Variants in SUPT3H observed in about 807,000 individuals in gnomAD.
SUPT3H encodes SPT3 homolog, SAGA and STAGA complex component.
In SUPT3H, 44 loss-of-function variants were observed where a neutral mutation model predicts 44.3. The ratio of observed to expected loss-of-function variants is 0.99; its 90% confidence interval spans 0.78 to 1.28. The LOEUF (loss-of-function observed/expected upper bound fraction) is 1.28, where lower values mean the gene tolerates loss of function less well. SUPT3H is among the 50% of genes most tolerant of loss of function. The probability of loss-of-function intolerance (pLI) is 0.00; values close to 1 mark genes in which losing one functional copy is unlikely to be tolerated. For missense variants in SUPT3H, 380 were observed against 387.1 expected (o/e 0.98, Z 0.15); for synonymous variants, 124 against 125.6 (o/e 0.99, Z 0.09).
intron 3 of SUPT3H, among the ~76,000 whole-genome samples, chr6:45,065,734 C>G (rs1583345600): frequency 6.6e-6 from 1 of 151,584 alleles, no homozygotes; most frequent in African/African-American, 2.4e-5. Context: ...TTCCTCAACA[C>G]ATACACTCTC....
chr6:44,825,161 C>T (rs1767649127), downstream of SUPT3H, among the ~76,000 whole-genome samples: 1 of 152,054 alleles, frequency 6.6e-6, no homozygotes, highest in African/African-American at 2.4e-5. Flanking sequence ...GAATTTTTTC[C>T]CATAATTTGT....
intron 3 of SUPT3H, among the ~76,000 whole-genome samples, chr6:45,051,687 A>G (rs1790323207): frequency 6.6e-6 from 1 of 152,210 alleles, no homozygotes; most frequent in African/African-American, 2.4e-5. Flanking sequence ...GCTGCTAAAG[A>G]GCAGAATTTA....
In SUPT3H at chr6:44,827,389, T is replaced by C. The variant is rs1767883207; in HGVS notation, c.*2427A>G. ...GTAATATTCTTATGCTAACCCAGTA[T>C]GGTAGAAAATACTGTATAATACCGA... On this transcript the variant is annotated 3_prime_UTR_variant, in exon 11 of 11. Coordinates refer to ENST00000371459, the MANE Select transcript of SUPT3H (RefSeq NM_003599.4). 6.6e-6 allele frequency among the ~76,000 whole-genome samples: 1 copy of C among 152,124 alleles called. No individual in the cohort carries two copies. Among genetic ancestry groups the C allele is most frequent in the Non-Finnish European group, 1.5e-5 (1 of 67,974 alleles).
At chr6:44,853,978 TAAA>T (rs74935103) in intron 10 of SUPT3H, among the ~76,000 whole-genome samples, 2 of 134,122 alleles carry the variant, frequency 1.5e-5, no homozygotes, top group Non-Finnish European at 1.6e-5. Context: ...TGCCTTTAGC[TAAA>T]AAAAAAAAAA....
intron 3 of SUPT3H, among the ~76,000 whole-genome samples, chr6:45,058,861 G>C (rs1054767559): frequency 6.6e-6 from 1 of 151,780 alleles, no homozygotes; most frequent in African/African-American, 2.4e-5. Context: ...ATCTTTCCAT[G>C]TGAAATCTTA....
At chr6:44,923,475 T>C (rs1007423776) in intron 10 of SUPT3H, among the ~76,000 whole-genome samples, 1 of 152,122 alleles carries the variant, frequency 6.6e-6, no homozygotes, top group African/African-American at 2.4e-5. Context: ...GTAAGTTACG[T>C]CTTGGAATTT....
In SUPT3H at chr6:44,886,835, G is replaced by A. The variant is rs1436708397; in HGVS notation, c.912+45818C>T. Among the ~76,000 whole-genome samples the A allele has an allele frequency of 4.6e-5, 7 of 152,102 alleles. 1 individual carries two copies. The highest frequency in any genetic ancestry group is 2.6e-4 in the Admixed American group (4 of 15,258). On this transcript the variant is annotated intron_variant, in intron 10 of 10. Transcript: ENST00000371459. ...GACACAGACTGGCAAATTGGATAAAGAGTCAAGACCCATCAGTGTGCTATA... is the reference window on the plus strand; with the variant it reads ...GACACAGACTGGCAAATTGGATAAAAAGTCAAGACCCATCAGTGTGCTATA...
intron 10 of SUPT3H, among the ~76,000 whole-genome samples, chr6:44,849,296 G>A (rs1377733680): frequency 2.1e-5 from 3 of 141,338 alleles, no homozygotes; most frequent in African/African-American, 5.2e-5. Flanking sequence ...GCGGGATCTC[G>A]GCTCACTGCA....
intron 9 of SUPT3H, among the ~76,000 whole-genome samples, chr6:44,952,552 T>C (rs770759728): frequency 4.6e-5 from 7 of 152,242 alleles, no homozygotes; most frequent in Non-Finnish European, 8.8e-5. Flanking sequence ...ACTCTACATG[T>C]AGATGCGAAC....
intron 2 of SUPT3H, among the ~76,000 whole-genome samples, chr6:45,157,427 A>G (rs1808009044): frequency 6.6e-6 from 1 of 151,966 alleles, no homozygotes; most frequent in Non-Finnish European, 1.5e-5. Context: ...ACAGATTTGA[A>G]AGACGTACCA....
At position 45,215,755 on chromosome 6, in the gene SUPT3H, G is replaced by A. The variant is rs1033507484; in HGVS notation, c.102-109749C>T. Among the ~76,000 whole-genome samples the A allele has an allele frequency of 6.6e-5, 10 of 152,216 alleles. No individual in the cohort carries two copies. The South Asian group carries it at 1.7e-3, about 25-fold the overall frequency. On this transcript the variant is annotated intron_variant, in intron 2 of 10. Coordinates refer to ENST00000371459, the MANE Select transcript of SUPT3H (RefSeq NM_003599.4). The stretch of plus-strand genomic sequence containing the variant: ...CCAAAAGGAGAAGATACAGGAAAGG[G>A]CACAGAAAACATGTTTAATGAAATA...
chr6:45,117,921 C>T (rs1056849881), intron 2 of SUPT3H, among the ~76,000 whole-genome samples: 12 of 152,128 alleles, frequency 7.9e-5, no homozygotes, highest in African/African-American at 2.9e-4. Context: ...CTCAACAATA[C>T]TGTATTCCTC....
At chr6:44,961,705 C>T in intron 7 of SUPT3H, 48 bp downstream of exon 7, 1 of 1,422,106 alleles carries the variant, frequency 7.0e-7, no homozygotes. Flanking sequence ...ACATCTATAA[C>T]ACAAATCTCT....
chr6:44,970,504 A>T (rs994824355), intron 6 of SUPT3H, among the ~76,000 whole-genome samples: 1 of 152,178 alleles, frequency 6.6e-6, no homozygotes, highest in African/African-American at 2.4e-5. Flanking sequence ...GTTTCTGCCC[A>T]AACTATTTCT....
At chr6:45,273,270 C>T (rs1349424698) in intron 2 of SUPT3H, among the ~76,000 whole-genome samples, 7 of 152,104 alleles carry the variant, frequency 4.6e-5, no homozygotes, top group Admixed American at 2.6e-4. Context: ...GTGGATGGTC[C>T]GCTGCTGTGG....
At chr6:44,966,011 T>A (rs1776723110) in intron 6 of SUPT3H, among the ~76,000 whole-genome samples, 1 of 152,146 alleles carries the variant, frequency 6.6e-6, no homozygotes, top group Non-Finnish European at 1.5e-5. Context: ...AGAATTAGGA[T>A]CAAACTGTAA....
chr6:44,885,109 C>G (rs1467090923), intron 10 of SUPT3H, among the ~76,000 whole-genome samples: 1 of 152,300 alleles, frequency 6.6e-6, no homozygotes, highest in Non-Finnish European at 1.5e-5. Context: ...ACAAAGCAGC[C>G]AGGAAGCTCG....
chr6:45,236,907 G>A (rs553788444), intron 2 of SUPT3H, among the ~76,000 whole-genome samples: 39 of 152,270 alleles, frequency 2.6e-4, no homozygotes, highest in African/African-American at 7.7e-4. Flanking sequence ...CAGTGGGGAC[G>A]GTAGGATTAC....
chr6:44,846,026 G>A (rs1195989439), intron 10 of SUPT3H, among the ~76,000 whole-genome samples: 3 of 152,168 alleles, frequency 2.0e-5, no homozygotes, highest in Non-Finnish European at 2.9e-5. Context: ...GGCTTCAGCT[G>A]TAAACGTTCA....
Sources: gnomAD v4.1 joint callset for allele counts (sites outside exome capture counted in the v4.1 genomes callset) on GRCh38, gnomAD v4.1.1 for gene constraint, MANE v1.5 for transcripts, NCBI Gene and HGNC (gene_info 2026-07-23, HGNC 2026-07-21) for gene names.